KANK1: variants seen among roughly 807,000 people sequenced by gnomAD.
KANK1 encodes the protein KN motif and ankyrin repeat domain-containing protein 1.
KANK1 carries 109 observed loss-of-function variants against 106.2 expected under a neutral mutation model. The observed-to-expected ratio is 1.03, with a 90% confidence interval of 0.88 to 1.20. KANK1 has a LOEUF of 1.20. KANK1 is among the 50% of genes most tolerant of loss of function. KANK1 has a pLI of 0.00. For synonymous variants in KANK1, 873 were observed against 652.2 expected, an observed-to-expected ratio of 1.34 and a Z score of -5.16; for missense variants, 2,399 against 1,710.7, an observed-to-expected ratio of 1.40 and a Z score of -7.10.
chr9:560,501 G>C (rs144837835), intron 1 of KANK1, among the ~76,000 whole-genome samples: 1 of 152,222 alleles, frequency 6.6e-6, no homozygotes, highest in South Asian at 2.1e-4. Context: ...ATTGTGGGCA[G>C]GATGTAGGGA....
chr9:705,385 A>C (rs1589056044), intron 2 of KANK1, among the ~76,000 whole-genome samples: 1 of 152,036 alleles, frequency 6.6e-6, no homozygotes, highest in Non-Finnish European at 1.5e-5. Context: ...CCTCGGGAGG[A>C]CGAGGCAGGA....
At chr9:624,549 A>G (rs140954134) in intron 1 of KANK1, among the ~76,000 whole-genome samples, 87 of 152,290 alleles carry the variant, frequency 5.7e-4, no homozygotes, top group Non-Finnish European at 1.1e-3. Context: ...CATGCCTGTA[A>G]TCCCAGCACT....
At chr9:674,542 C>T (rs1815986995) in intron 1 of KANK1, among the ~76,000 whole-genome samples, 1 of 152,114 alleles carries the variant, frequency 6.6e-6, no homozygotes, top group Non-Finnish European at 1.5e-5. Flanking sequence ...GTGATCAAAG[C>T]AATCAGCCAT....
rs71314728 is a variant in KANK1, at chr9:704,992, C to CAA, written c.38-5788_38-5787dup. On this transcript the variant is annotated intron_variant, in intron 2 of 11. Transcript: ENST00000382297. ...TGGGCAACAGAGTCGGACCCTGTCT[C>CAA]AAAAAAAAAAAAAAAAAAAAAAAAA... 6.9e-3 allele frequency among the ~76,000 whole-genome samples: 363 copies of CAA among 52,898 alleles called. 1 individual carries two copies. Among genetic ancestry groups the CAA allele is most frequent in the Middle Eastern group, 0.013 (1 of 78 alleles). 34.7% of individuals were successfully genotyped at this position (52,898 alleles called of 152,430 possible). A position where few individuals can be genotyped will look rare whatever the true frequency, so the allele number is the denominator to read the frequency against.
intron 1 of KANK1, among the ~76,000 whole-genome samples, chr9:585,990 A>T (rs1327392379): frequency 1.3e-5 from 2 of 152,224 alleles, no homozygotes; most frequent in African/African-American, 2.4e-5. Flanking sequence ...TTTGGAAGTT[A>T]TAAGACAAGA....
chr9:703,383 T>C (rs576848878), intron 2 of KANK1, among the ~76,000 whole-genome samples: 1 of 152,264 alleles, frequency 6.6e-6, no homozygotes, highest in Non-Finnish European at 1.5e-5. Flanking sequence ...CTGATTTTAT[T>C]TCTTAAAAAT....
chr9:691,611 A>ATTTTTTTTTTTTTTTTTTTTTTTTTTTT (rs767618077), intron 2 of KANK1, among the ~76,000 whole-genome samples: 1 of 71,082 alleles, frequency 1.4e-5, no homozygotes, highest in African/African-American at 4.6e-5. Flanking sequence ...TAATACCAGA[A>ATTTTTTTTTTTTTTTTTTTTTTTTTTTT]TTTTTTTTTT....
chr9:669,609 T>C (rs1038277955), intron 1 of KANK1, among the ~76,000 whole-genome samples: 6 of 152,160 alleles, frequency 3.9e-5, no homozygotes, highest in Admixed American at 2.0e-4. Context: ...AAGTGGAGTT[T>C]CTTTGTATGT....
intron 1 of KANK1, among the ~76,000 whole-genome samples, chr9:661,528 T>C (rs1163770158): frequency 1.3e-5 from 2 of 152,192 alleles, no homozygotes; most frequent in Non-Finnish European, 2.9e-5. Flanking sequence ...CTATCATTGA[T>C]GGGCATTTGG....
At chr9:629,050 G>A (rs1206882768) in intron 1 of KANK1, among the ~76,000 whole-genome samples, 1 of 147,180 alleles carries the variant, frequency 6.8e-6, no homozygotes, top group Non-Finnish European at 1.5e-5. Flanking sequence ...CCGCACTCCA[G>A]CCTGGGCAAC....
At chr9:576,938 G>A (rs1238805817) in intron 1 of KANK1, among the ~76,000 whole-genome samples, 3 of 152,176 alleles carry the variant, frequency 2.0e-5, no homozygotes, top group African/African-American at 7.2e-5. Flanking sequence ...GACCCTCACG[G>A]TGAGTGTTAC....
At chr9:614,911 A>G (rs1375742407) in intron 1 of KANK1, among the ~76,000 whole-genome samples, 1 of 152,184 alleles carries the variant, frequency 6.6e-6, no homozygotes, top group Non-Finnish European at 1.5e-5. Context: ...AATTCTTAAT[A>G]TAGTACAAAA....
intron 1 of KANK1, among the ~76,000 whole-genome samples, chr9:616,380 G>T (rs893498685): frequency 6.6e-6 from 1 of 152,116 alleles, no homozygotes; most frequent in African/African-American, 2.4e-5. Context: ...TGGACATCCT[G>T]AACACCACTT....
At chr9:735,604 C>G (rs1244645293) in intron 7 of KANK1, 1 of 209,802 alleles carries the variant, frequency 4.8e-6, no homozygotes, top group Non-Finnish European at 1.1e-5. Context: ...TGCACAGATA[C>G]TCAAGTCCCT....
intron 1 of KANK1, among the ~76,000 whole-genome samples, chr9:505,055 G>A (rs1295785358): frequency 6.6e-6 from 1 of 151,934 alleles, no homozygotes; most frequent in Non-Finnish European, 1.5e-5. Flanking sequence ...GGAGGGAGAG[G>A]CGCGCCGGGC....
chr9:528,469 C>CTTTTTTTTTTTTTT (rs36072780), intron 1 of KANK1, among the ~76,000 whole-genome samples: 13 of 85,128 alleles, frequency 1.5e-4, no homozygotes, highest in Non-Finnish European at 2.2e-4. Context: ...TAAAAAATAA[C>CTTTTTTTTTTTTTT]TTTTTTTTTT....
upstream of KANK1, among the ~76,000 whole-genome samples, chr9:504,431 C>T (rs1468988930): frequency 6.6e-6 from 1 of 151,714 alleles, no homozygotes; most frequent in Non-Finnish European, 1.5e-5. Flanking sequence ...GAGGGCCGCC[C>T]GCGGCCGGCT....
chr9:476,044 GT>G (rs1018312800), intron 3 of KANK1, among the ~76,000 whole-genome samples: 2 of 149,826 alleles, frequency 1.3e-5, no homozygotes, highest in African/African-American at 4.9e-5. Flanking sequence ...ACAGAGACAA[GT>G]TTTCGCCACA....
intron 1 of KANK1, among the ~76,000 whole-genome samples, chr9:674,828 C>A (rs182442779): frequency 1.3e-5 from 2 of 151,958 alleles, no homozygotes; most frequent in Non-Finnish European, 2.9e-5. Context: ...CTCAGCCTCC[C>A]GAGTAGCTGG....
Sources: gnomAD v4.1 joint callset for allele counts (sites outside exome capture counted in the v4.1 genomes callset) on GRCh38, gnomAD v4.1.1 for gene constraint, MANE v1.5 for transcripts, NCBI Gene and HGNC (gene_info 2026-07-23, HGNC 2026-07-21) for gene names.